ACOT1: variants seen among roughly 807,000 people sequenced by gnomAD.
ACOT1 encodes the protein acyl-coenzyme A thioesterase 1.
In ACOT1, 8 loss-of-function variants were observed where a neutral mutation model predicts 15.7. That is an observed-to-expected ratio of 0.51 (90% CI 0.30 to 0.92). ACOT1 has a LOEUF of 0.92. Ranked by LOEUF, ACOT1 falls within the 40% of genes least tolerant of loss-of-function variation. The pLI, the probability that ACOT1 is intolerant of heterozygous loss-of-function variation, is 0.06. For missense variants in ACOT1, 151 were observed against 539.4 expected, an observed-to-expected ratio of 0.28 and a Z score of 7.13; for synonymous variants, 67 against 241.2, an observed-to-expected ratio of 0.28 and a Z score of 6.69.
At chr14:73,508,434 T>G in the ACOT1 span, 1 of 708,266 alleles carries the variant, frequency 1.4e-6, no homozygotes, top group African/African-American at 1.8e-5. Flanking sequence ...AAATACAATT[T>G]CTTATTTAAA....
the ACOT1 span, chr14:73,496,539 G>A: frequency 1.0e-6 from 1 of 988,950 alleles, no homozygotes; most frequent in Non-Finnish European, 1.6e-6. Flanking sequence ...AGGAGGACAG[G>A]GTCTGAGGAA....
rs769397666 is a variant in ACOT1 at position 73,541,527 on chromosome 14, C to T, written c.492C>T (p.Phe164=). 1.4e-5 allele frequency: 18 copies of T among 1,244,476 alleles called. 7 individuals are homozygous for T. The highest frequency in any genetic ancestry group is 2.7e-5 in the South Asian group (2 of 72,926). 77.1% of individuals were successfully genotyped at this position (1,244,476 alleles called of 1,614,324 possible). The change falls in exon 2 of 3, where the codon TTC becomes TTT. Residue 164 remains phenylalanine (F), a synonymous_variant. Transcript: ENST00000311148. ...CCTTTCCTGGCATTGTGGACATGTT[C>T]GGAACTGGAGGTGGCCTGCTGGAGT... The part of the protein sequence containing the change: ...PGPFPGIVDM[F]GTGGGLLEYR...
the ACOT1 span, chr14:73,522,755 G>A: frequency 6.2e-7 from 1 of 1,614,236 alleles, no homozygotes; most frequent in Non-Finnish European, 8.5e-7. Flanking sequence ...CACAGCCAGG[G>A]AGGTGTCTCC....
chr14:73,509,251 A>AGTGTCCTTTCACTGGGATATCACATCTC, the ACOT1 span: 1 of 1,498,050 alleles, frequency 6.7e-7, no homozygotes, highest in African/African-American at 1.4e-5. Flanking sequence ...AGGACTGGGA[A>AGTGTCCTTTCACTGGGATATCACATCTC]AGCTGATAGT....
At chr14:73,500,698 C>T in the ACOT1 span, 55 of 1,613,898 alleles carry the variant, frequency 3.4e-5, no homozygotes, top group Middle Eastern at 1.6e-4. Flanking sequence ...AGCTTCCACA[C>T]GCTCCTGGGA....
the ACOT1 span, among the ~76,000 whole-genome samples, chr14:73,497,337 G>A: frequency 9.2e-5 from 14 of 152,116 alleles, no homozygotes; most frequent in Non-Finnish European, 8.8e-5. Context: ...ACCTCATCTG[G>A]CCAAGACAAT....
At chr14:73,498,361 G>T in the ACOT1 span, 9 of 1,567,780 alleles carry the variant, frequency 5.7e-6, no homozygotes, top group Non-Finnish European at 7.8e-6. Flanking sequence ...AGATTAGAGG[G>T]CAGCATGTCA....
chr14:73,523,119 G>A, the ACOT1 span: 74 of 1,606,342 alleles, frequency 4.6e-5, no homozygotes, highest in East Asian at 1.6e-3. Context: ...AAGCAATGGG[G>A]GAGAAAGGTC....
chr14:73,513,913 A>G, the ACOT1 span: 1 of 1,028,482 alleles, frequency 9.7e-7, no homozygotes, highest in East Asian at 2.4e-5. Flanking sequence ...TAATGAGGCA[A>G]CCAGATTTTT....
chr14:73,495,096 C>A, the ACOT1 span: 2 of 658,588 alleles, frequency 3.0e-6, no homozygotes, highest in South Asian at 5.4e-5. Context: ...GGATGGTAGC[C>A]AAGAGGGAAG....
chr14:73,502,940 G>A, the ACOT1 span: 7 of 1,613,974 alleles, frequency 4.3e-6, no homozygotes, highest in Admixed American at 1.7e-5. Context: ...TTGCCCAAGC[G>A]CCTGTGCAGC....
the ACOT1 span, chr14:73,498,416 A>C: frequency 7.3e-7 from 1 of 1,371,718 alleles, no homozygotes; most frequent in African/African-American, 1.5e-5. Context: ...AAATAAATTG[A>C]GTTTTGCAAA....
the ACOT1 span, chr14:73,492,714 TTCTC>T: frequency 1.2e-6 from 2 of 1,613,980 alleles, no homozygotes. The surrounding 1 kb of genome is among the most constrained non-coding windows in gnomAD (Gnocchi z 4.9). Flanking sequence ...GGCCATTTGT[TTCTC>T]TATTACACAG....
At chr14:73,528,862 G>A in the ACOT1 span, 1 of 152,272 alleles carries the variant, frequency 6.6e-6, no homozygotes, top group Admixed American at 6.5e-5. Context: ...TTAGGGCTAT[G>A]GGGTACTCAG....
At chr14:73,527,095 C>G in the ACOT1 span, 1 of 152,188 alleles carries the variant, frequency 6.6e-6, no homozygotes, top group Non-Finnish European at 1.5e-5. Context: ...AGGGCACCCC[C>G]TGGTATACAT....
At chr14:73,537,942 T>A in intron 1 of ACOT1, 64 bp downstream of exon 1, 1 of 1,094,958 alleles carries the variant, frequency 9.1e-7, no homozygotes. Flanking sequence ...CCACTGTGTG[T>A]GTGTGTGTGT....
chr14:73,523,330 T>TG, the ACOT1 span: 1 of 593,992 alleles, frequency 1.7e-6, no homozygotes, highest in Admixed American at 3.1e-5. Context: ...GGAAAGGGGG[T>TG]GGGGAAGAGC....
chr14:73,525,603 C>T, the ACOT1 span, among the ~76,000 whole-genome samples: 1 of 152,146 alleles, frequency 6.6e-6, no homozygotes, highest in Non-Finnish European at 1.5e-5. Context: ...CAAACAGACC[C>T]CTCCAGCGAT....
chr14:73,534,600 A>G (rs1409148806), upstream of ACOT1, among the ~76,000 whole-genome samples: 13 of 108,992 alleles, frequency 1.2e-4, 2 homozygotes, highest in African/African-American at 3.6e-4. Context: ...GAGGTGGGAG[A>G]ACTGTCTAAG....
Sources: allele counts gnomAD v4.1 joint callset (sites outside exome capture counted in the v4.1 genomes callset), GRCh38; gene constraint gnomAD v4.1.1; non-coding constraint Gnocchi (gnomAD v3.1); transcripts MANE v1.5; gene names NCBI Gene and HGNC (gene_info 2026-07-23, HGNC 2026-07-21).